The following ROBO2 variants were observed in gnomAD, a reference collection of about 807,000 sequenced individuals.
The protein encoded by ROBO2 is roundabout homolog 2.
A neutral mutation model predicts 160.8 loss-of-function variants in ROBO2; 53 were observed. That is an observed-to-expected ratio of 0.33 (90% confidence interval 0.26 to 0.41). The LOEUF is 0.41. Ranked by LOEUF, ROBO2 falls within the 10% of genes least tolerant of loss-of-function variation. ROBO2 has a pLI of 1.00. For missense variants in ROBO2, 1,577 were observed against 1,722.4 expected, an observed-to-expected ratio of 0.92 and a Z score of 1.49; for synonymous variants, 664 against 611.7, an observed-to-expected ratio of 1.09 and a Z score of -1.26.
intron 2 of ROBO2, among the ~76,000 whole-genome samples, chr3:75,989,990 G>T (rs559945353): frequency 6.6e-6 from 1 of 152,098 alleles, no homozygotes; most frequent in Non-Finnish European, 1.5e-5. Context: ...ATTTCTCAAG[G>T]TATAAAAAAT....
At chr3:77,408,113 A>C (rs954252903) in intron 2 of ROBO2, among the ~76,000 whole-genome samples, 2 of 152,032 alleles carry the variant, frequency 1.3e-5, no homozygotes, top group African/African-American at 4.8e-5. Flanking sequence ...AAAAATAAAC[A>C]AACAAAAAAA....
intron 2 of ROBO2, among the ~76,000 whole-genome samples, chr3:76,486,057 C>G (rs1248760936): frequency 6.6e-6 from 1 of 152,192 alleles, no homozygotes; most frequent in Non-Finnish European, 1.5e-5. Flanking sequence ...ACCTCCATCT[C>G]CGGTCCAGTA....
chr3:76,879,065 A>T (rs1016806375), intron 2 of ROBO2, among the ~76,000 whole-genome samples: 1 of 152,192 alleles, frequency 6.6e-6, no homozygotes, highest in African/African-American at 2.4e-5. Flanking sequence ...GTAAATGTCA[A>T]TCGGAGAAAC....
At chr3:76,353,750 A>C (rs1466460244) in intron 2 of ROBO2, among the ~76,000 whole-genome samples, 1 of 151,918 alleles carries the variant, frequency 6.6e-6, no homozygotes, top group African/African-American at 2.4e-5. Flanking sequence ...GGATGGGTTC[A>C]GGAGGAGTTC....
intron 2 of ROBO2, among the ~76,000 whole-genome samples, chr3:77,148,927 T>A (rs2077333198): frequency 6.6e-6 from 1 of 152,234 alleles, no homozygotes; most frequent in Non-Finnish European, 1.5e-5. Flanking sequence ...GAAAGCTTGA[T>A]GTTGGAGTTA....
chr3:76,717,663 C>A (rs1190020434), intron 2 of ROBO2, among the ~76,000 whole-genome samples: 3 of 151,936 alleles, frequency 2.0e-5, no homozygotes, highest in Non-Finnish European at 4.4e-5. Flanking sequence ...GAAATATGAA[C>A]AATAGGTAAG....
chr3:76,133,189 G>A (rs780433426), intron 2 of ROBO2, among the ~76,000 whole-genome samples: 26 of 151,752 alleles, frequency 1.7e-4, no homozygotes, highest in Admixed American at 4.6e-4. Context: ...CTTAGCCCAG[G>A]GTATAAAATT....
At chr3:77,369,194 T>C (rs192283510) in intron 2 of ROBO2, among the ~76,000 whole-genome samples, 1 of 152,280 alleles carries the variant, frequency 6.6e-6, no homozygotes, top group East Asian at 1.9e-4. Flanking sequence ...CTTCACACTC[T>C]TCAGTCTCCC....
intron 2 of ROBO2, among the ~76,000 whole-genome samples, chr3:76,361,360 G>A (rs534181272): frequency 6.6e-6 from 1 of 152,136 alleles, no homozygotes; most frequent in African/African-American, 2.4e-5. Flanking sequence ...ATATTGCTGA[G>A]AAAATAACAG....
rs559682269 is a variant in ROBO2 at position 76,265,840 on chromosome 3, GTTCT to G, written c.109+328241_109+328244del. ...ACAGTGAACAGATTTGTCTGTTCAA[GTTCT>G]TTAACTTATATGATTTTCTGTTTCA... On this transcript the variant is annotated intron_variant, in intron 2 of 26. Transcript: ENST00000487694. Among the ~76,000 whole-genome samples the G allele has an allele frequency of 4.6e-5, 7 of 152,212 alleles. No individual in the cohort carries two copies. The South Asian group carries it at 1.4e-3, about 32-fold the overall frequency.
At chr3:76,647,964 A>T (rs2091062264) in intron 2 of ROBO2, among the ~76,000 whole-genome samples, 1 of 152,208 alleles carries the variant, frequency 6.6e-6, no homozygotes, top group Admixed American at 6.5e-5. Flanking sequence ...CTTGGGTTAC[A>T]GCAAGGCCAG....
chr3:76,536,225 CA>C (rs1464895640), intron 2 of ROBO2, among the ~76,000 whole-genome samples: 1 of 152,164 alleles, frequency 6.6e-6, no homozygotes, highest in East Asian at 1.9e-4. Context: ...CGGAGGCAAG[CA>C]GTTGCAGCTC....
chr3:77,033,526 A>T (rs140019198), intron 2 of ROBO2, among the ~76,000 whole-genome samples: 1 of 152,266 alleles, frequency 6.6e-6, no homozygotes, highest in Non-Finnish European at 1.5e-5. Flanking sequence ...GAAATAAAAT[A>T]ATAGGTTAAG....
intron 8 of ROBO2, among the ~76,000 whole-genome samples, chr3:77,557,283 A>G (rs897382871): frequency 2.6e-5 from 4 of 152,018 alleles, no homozygotes; most frequent in African/African-American, 7.2e-5. Context: ...TATGATAAAT[A>G]TAATCTAGAT....
At chr3:75,918,232 A>G (rs971091684) in intron 1 of ROBO2, among the ~76,000 whole-genome samples, 5 of 152,168 alleles carry the variant, frequency 3.3e-5, no homozygotes, top group African/African-American at 7.2e-5. Flanking sequence ...GAAGGGGTCC[A>G]GTTTCTCTTT....
intron 2 of ROBO2, among the ~76,000 whole-genome samples, chr3:77,276,861 G>A (rs995816713): frequency 4.6e-5 from 7 of 152,178 alleles, no homozygotes; most frequent in Admixed American, 6.5e-5. Context: ...CATGGTGGCA[G>A]GCAAGAGATC....
At chr3:77,589,815 CACA>C (rs546144857) in intron 17 of ROBO2, among the ~76,000 whole-genome samples, 39 of 152,194 alleles carry the variant, frequency 2.6e-4, no homozygotes, top group African/African-American at 8.9e-4. Flanking sequence ...AGAAATATCT[CACA>C]ACATTTCACA....
At chr3:75,991,659 G>T (rs576138462) in intron 2 of ROBO2, among the ~76,000 whole-genome samples, 1 of 152,132 alleles carries the variant, frequency 6.6e-6, no homozygotes, top group Admixed American at 6.5e-5. Flanking sequence ...TTGCTGAAAA[G>T]ATACCCCAAA....
rs778535755 is a variant in ROBO2, at chr3:77,378,978, G to A, written c.389-98436G>A. 1.3e-4 allele frequency among the ~76,000 whole-genome samples: 19 copies of A among 149,362 alleles called. No homozygotes were observed. In the East Asian group the frequency reaches 1.6e-3, roughly 12 times the overall value. The stretch of plus-strand genomic sequence containing the variant: ...TTTTTTTTTTTGGAGATGGAGTTTC[G>A]CTCTTGTTGCCCAGGCTGGAGTGCA... On this transcript the variant is annotated intron_variant, in intron 2 of 25. Coordinates refer to ENST00000461745, the Ensembl canonical transcript of ROBO2.
Sources: allele counts gnomAD v4.1 joint callset (sites outside exome capture counted in the v4.1 genomes callset), GRCh38; gene constraint gnomAD v4.1.1; transcripts MANE v1.5; gene names NCBI Gene and HGNC (gene_info 2026-07-23, HGNC 2026-07-21).